The following MAGI2 variants were observed in gnomAD, a reference collection of about 807,000 sequenced individuals.
The protein encoded by MAGI2 is membrane-associated guanylate kinase, WW and PDZ domain-containing protein 2.
MAGI2 carries 35 observed loss-of-function variants against 133.3 expected under a neutral mutation model. The ratio of observed to expected loss-of-function variants is 0.26; its 90% CI spans 0.20 to 0.35. The LOEUF (loss-of-function observed/expected upper bound fraction) is 0.35. Ranked by LOEUF, MAGI2 falls within the 10% of genes least tolerant of loss-of-function variation. The pLI, the probability that MAGI2 is intolerant of heterozygous loss-of-function variation, is 1.00. For missense variants in MAGI2, 1,636 were observed against 1,863.4 expected, an observed-to-expected ratio of 0.88 and a Z score of 2.25; for synonymous variants, 729 against 710.6, an observed-to-expected ratio of 1.03 and a Z score of -0.41.
At chr7:78,204,227 C>A (rs1355044319) in intron 10 of MAGI2, among the ~76,000 whole-genome samples, 1 of 152,150 alleles carries the variant, frequency 6.6e-6, no homozygotes, top group Non-Finnish European at 1.5e-5. Context: ...TATTTAAAAA[C>A]TGCTTGCTAA....
intron 2 of MAGI2, among the ~76,000 whole-genome samples, chr7:78,821,529 T>C (rs1178436944): frequency 6.6e-6 from 1 of 152,010 alleles, no homozygotes; most frequent in Non-Finnish European, 1.5e-5. Context: ...GAAGCAAGTA[T>C]ATTGTATTTA....
intron 2 of MAGI2, among the ~76,000 whole-genome samples, chr7:78,853,957 TTC>T (rs10666435): frequency 5.6e-4 from 83 of 148,488 alleles, no homozygotes; most frequent in African/African-American, 1.6e-3. Flanking sequence ...GTTGATATGT[TTC>T]TCTCTCTCTC....
intron 1 of MAGI2, among the ~76,000 whole-genome samples, chr7:79,030,733 G>A (rs1295295677): frequency 1.3e-5 from 2 of 152,082 alleles, no homozygotes; most frequent in African/African-American, 4.8e-5. Context: ...TTAAAATCAG[G>A]AGATACTCTG....
intron 9 of MAGI2, among the ~76,000 whole-genome samples, chr7:78,313,855 T>C (rs941090407): frequency 1.3e-5 from 2 of 152,124 alleles, no homozygotes; most frequent in Admixed American, 6.5e-5. Context: ...TTAAAAATTA[T>C]TGTATTTATG....
At chr7:78,881,078 C>T (rs1384624570) in intron 2 of MAGI2, among the ~76,000 whole-genome samples, 1 of 152,126 alleles carries the variant, frequency 6.6e-6, no homozygotes, top group Non-Finnish European at 1.5e-5. Context: ...AAAACAAGTA[C>T]TTCTAGACCT....
chr7:79,189,344 CT>C (rs1287007202), intron 1 of MAGI2, among the ~76,000 whole-genome samples: 2 of 143,694 alleles, frequency 1.4e-5, no homozygotes, highest in Non-Finnish European at 3.0e-5. Context: ...TGGCACCCTT[CT>C]TTAACTTGAA....
At chr7:78,058,693 G>GT (rs1181560806) in intron 21 of MAGI2, among the ~76,000 whole-genome samples, 1 of 151,852 alleles carries the variant, frequency 6.6e-6, no homozygotes, top group Non-Finnish European at 1.5e-5. Flanking sequence ...CTGGCCACGT[G>GT]TTTTTTTATA....
chr7:78,312,021 G>A lies in MAGI2; in HGVS notation c.1408+31757C>T, dbSNP rs1449991886. On this transcript the variant is annotated intron_variant, in intron 9 of 21. Coordinates refer to ENST00000354212, the MANE Select transcript of MAGI2 (RefSeq NM_012301.4). ...CCTGACCTCAAGTGATCTGCCGGCC[G>A]GCCTCCCAAAGTGCTGGGATTACAG... Among the ~76,000 whole-genome samples the A allele has an allele frequency of 4.0e-5, 6 of 151,890 alleles. No individual in the cohort carries two copies. The East Asian group carries it at 9.6e-4, about 24-fold the overall frequency.
chr7:79,015,998 C>CGGGGGGGGGGG (rs376196136), intron 1 of MAGI2, among the ~76,000 whole-genome samples: 1 of 25,738 alleles, frequency 3.9e-5, no homozygotes, highest in Non-Finnish European at 8.3e-5. Context: ...CCTGGAGAAG[C>CGGGGGGGGGGG]GGGGGGGGGG....
intron 20 of MAGI2, among the ~76,000 whole-genome samples, chr7:78,081,465 C>A (rs777167230): frequency 6.6e-6 from 1 of 152,110 alleles, no homozygotes; most frequent in Non-Finnish European, 1.5e-5. Flanking sequence ...ACTAAGGGCA[C>A]AGAAAGAACA....
intron 6 of MAGI2, among the ~76,000 whole-genome samples, chr7:78,458,990 A>G (rs1316598712): frequency 3.3e-5 from 5 of 152,230 alleles, no homozygotes; most frequent in African/African-American, 4.8e-5. Flanking sequence ...AAGAGCAACC[A>G]AAGTTATGAT....
intron 7 of MAGI2, among the ~76,000 whole-genome samples, chr7:78,353,786 C>T (rs1791771874): frequency 6.6e-6 from 1 of 152,146 alleles, no homozygotes; most frequent in Non-Finnish European, 1.5e-5. Flanking sequence ...AAGGCTAGTG[C>T]ACACAGACAT....
chr7:78,401,277 T>A (rs1796836366), intron 6 of MAGI2, among the ~76,000 whole-genome samples: 1 of 152,158 alleles, frequency 6.6e-6, no homozygotes, highest in Non-Finnish European at 1.5e-5. Flanking sequence ...CAGTTGGGAA[T>A]CATCAATACG....
intron 1 of MAGI2, among the ~76,000 whole-genome samples, chr7:79,377,518 C>A (rs9918566): frequency 6.6e-6 from 1 of 151,542 alleles, no homozygotes; most frequent in Non-Finnish European, 1.5e-5. Flanking sequence ...GGCAATGAAG[C>A]CACGTTCTTA....
chr7:79,398,267 A>G (rs1300818915), intron 1 of MAGI2, among the ~76,000 whole-genome samples: 1 of 152,138 alleles, frequency 6.6e-6, no homozygotes, highest in East Asian at 1.9e-4. Context: ...TTTACACCAA[A>G]ATCTTTTTTC....
chr7:78,074,708 A>G (rs575140725), intron 21 of MAGI2, among the ~76,000 whole-genome samples: 26 of 152,362 alleles, frequency 1.7e-4, no homozygotes, highest in African/African-American at 6.3e-4. Flanking sequence ...TTAGACAAAA[A>G]GAATTCTTTT....
At chr7:78,924,579 C>T (rs6943441) in intron 2 of MAGI2, among the ~76,000 whole-genome samples, 2,479 of 152,100 alleles carry the variant, frequency 0.016, 75 homozygotes, top group African/African-American at 0.057. Flanking sequence ...TTTTGATGTG[C>T]TGCTGGATTC....
chr7:78,527,709 CT>C (rs1321959789), intron 3 of MAGI2, among the ~76,000 whole-genome samples: 1 of 152,034 alleles, frequency 6.6e-6, no homozygotes, highest in East Asian at 1.9e-4. Flanking sequence ...CTTCCAACAC[CT>C]TTTTTCTTTA....
chr7:78,627,426 T>C lies in MAGI2; in HGVS notation c.419-187A>G, dbSNP rs980377663. Among the ~76,000 whole-genome samples the C allele has an allele frequency of 3.9e-5, 6 of 152,208 alleles. No individual in the cohort carries two copies. The East Asian group carries it at 1.2e-3, about 29-fold the overall frequency. ...CAGGGGGTAAAGATTAAAGTAAATG[T>C]ACAAAGCACTTTTCTTCATCAAGCT... On this transcript the variant is annotated intron_variant, in intron 2 of 21. Transcript: ENST00000354212.
Sources: allele counts gnomAD v4.1 joint callset (sites outside exome capture counted in the v4.1 genomes callset), GRCh38; gene constraint gnomAD v4.1.1; transcripts MANE v1.5; gene names NCBI Gene and HGNC (gene_info 2026-07-23, HGNC 2026-07-21).